SNX29: variants seen among roughly 807,000 people sequenced by gnomAD.
SNX29 encodes the protein sorting nexin 29.
A neutral mutation model predicts 102.1 loss-of-function variants in SNX29; 78 were observed. The ratio of observed to expected loss-of-function variants is 0.76; its 90% CI spans 0.64 to 0.92. The LOEUF (loss-of-function observed/expected upper bound fraction) is 0.92. Among genes scored for constraint, SNX29 ranks in the 40% least tolerant of loss-of-function variants. The pLI, the probability that SNX29 is intolerant of heterozygous loss-of-function variation, is 0.00. For missense variants in SNX29, 1,280 were observed against 1,061.7 expected, an observed-to-expected ratio of 1.21 and a Z score of -2.86; for synonymous variants, 580 against 414.5, an observed-to-expected ratio of 1.40 and a Z score of -4.85.
intron 16 of SNX29, among the ~76,000 whole-genome samples, chr16:12,381,270 C>T (rs865969781): frequency 2.5e-5 from 2 of 80,278 alleles, no homozygotes; most frequent in East Asian, 3.9e-4. Flanking sequence ...CATCCATCCA[C>T]GCATCTGCCC....
intron 7 of SNX29, among the ~76,000 whole-genome samples, chr16:12,048,886 A>G (rs1044162410): frequency 6.6e-6 from 1 of 152,180 alleles, no homozygotes; most frequent in African/African-American, 2.4e-5. Context: ...CGGGAGCCAG[A>G]TGACGTTGAT....
At chr16:12,326,343 C>T (rs2432624) in intron 15 of SNX29, among the ~76,000 whole-genome samples, 53,470 of 105,384 alleles carry the variant, frequency 0.51, 11,487 homozygotes, top group South Asian at 0.76. Context: ...TTTTTTTTTT[C>T]CCTGTCCAGG....
chr16:12,543,737 G>A (rs980314326), intron 20 of SNX29, among the ~76,000 whole-genome samples: 4 of 152,214 alleles, frequency 2.6e-5, no homozygotes, highest in African/African-American at 9.7e-5. Context: ...GCATTGCAGT[G>A]GAGTTGACTG....
rs376144858 is a variant in SNX29, at chr16:12,215,263, G to C, written c.1678+15580G>C. On this transcript the variant is annotated intron_variant, in intron 14 of 20. Coordinates refer to ENST00000566228, the MANE Select transcript of SNX29 (RefSeq NM_032167.5). ...TAATCCCAGCACTTTGAGAGGCTGA[G>C]GTAGGAGGAGGGTTGCTTAAGGCCA... Among the ~76,000 whole-genome samples, 9 of 151,556 alleles carry C rather than the reference G, an allele frequency of 5.9e-5. 1 individual carries two copies. The highest frequency in any genetic ancestry group is 5.9e-4 in the Admixed American group (9 of 15,224).
At chr16:12,201,736 A>T (rs937891343) in intron 14 of SNX29, among the ~76,000 whole-genome samples, 1 of 152,238 alleles carries the variant, frequency 6.6e-6, no homozygotes, top group Admixed American at 6.5e-5. Flanking sequence ...TGTGGACAGC[A>T]CCACCACCTT....
At chr16:12,051,752 T>A in intron 7 of SNX29, 95 bp from the exon 8 acceptor site, 1 of 1,500,484 alleles carries the variant, frequency 6.7e-7, no homozygotes, top group East Asian at 2.3e-5. Context: ...CTCACTCGAA[T>A]AGTATTTTCC....
At chr16:12,396,699 T>G (rs1483200098) in intron 16 of SNX29, among the ~76,000 whole-genome samples, 1 of 152,156 alleles carries the variant, frequency 6.6e-6, no homozygotes, top group Non-Finnish European at 1.5e-5. Context: ...GATGCGTAAC[T>G]GTTAGGAAGG....
At chr16:12,182,220 T>A (rs1397924740) in intron 13 of SNX29, among the ~76,000 whole-genome samples, 1 of 150,840 alleles carries the variant, frequency 6.6e-6, no homozygotes, top group Non-Finnish European at 1.5e-5. Flanking sequence ...TAATGGGGAT[T>A]TTGAGAGATT....
chr16:12,385,170 C>CAAAAAAG (rs894847338), intron 16 of SNX29, among the ~76,000 whole-genome samples: 1 of 151,866 alleles, frequency 6.6e-6, no homozygotes, highest in Non-Finnish European at 1.5e-5. Flanking sequence ...AACTCCATCT[C>CAAAAAAG]AAAAAAGAAA....
chr16:12,559,988 A>AT (rs766345219), intron 20 of SNX29, among the ~76,000 whole-genome samples: 1 of 152,210 alleles, frequency 6.6e-6, no homozygotes, highest in Non-Finnish European at 1.5e-5. Context: ...CGAAAAAAAG[A>AT]TTTTGCAAGC....
chr16:12,396,709 G>A (rs2083736501), intron 16 of SNX29, among the ~76,000 whole-genome samples: 1 of 152,194 alleles, frequency 6.6e-6, no homozygotes, highest in Non-Finnish European at 1.5e-5. Context: ...TGTTAGGAAG[G>A]CACCATCTCT....
chr16:12,031,890 A>G lies in SNX29; in HGVS notation c.247+4446A>G, dbSNP rs144604443. Reference sequence around the variant, plus strand: ...ACCATTTCAGCCATTTGAAGTGTACAATTCAGTGTAAGTGTACTTAATGTA... The same window carrying G: ...ACCATTTCAGCCATTTGAAGTGTACGATTCAGTGTAAGTGTACTTAATGTA... On this transcript the variant is annotated intron_variant, in intron 4 of 20. Coordinates refer to ENST00000566228, the MANE Select transcript of SNX29 (RefSeq NM_032167.5). Among the ~76,000 whole-genome samples, 79 of 152,322 alleles carry G rather than the reference A, an allele frequency of 5.2e-4. 1 individual carries two copies. In the East Asian group the frequency reaches 0.013, roughly 24 times the overall value.
At position 12,512,397 on chromosome 16, in the gene SNX29, T is replaced by G. The variant is rs1158242598; in HGVS notation, c.2179-12305T>G. Among the ~76,000 whole-genome samples, 634 of 82,542 alleles carry G rather than the reference T, an allele frequency of 7.7e-3. 42 individuals are homozygous for G. Among genetic ancestry groups the G allele is most frequent in the African/African-American group, 0.025 (509 of 20,242 alleles). The allele number at this position is 82,542 out of a possible 152,430, so 54.2% of individuals were successfully genotyped here. On this transcript the variant is annotated intron_variant, in intron 19 of 20. Transcript: ENST00000566228. ...ATATATATATATATATATATATATATATATATATATATATATATATAGTTT... is the reference window on the plus strand; with the variant it reads ...ATATATATATATATATATATATATAGATATATATATATATATATATAGTTT...
chr16:12,295,723 C>A (rs1339431236), intron 15 of SNX29, among the ~76,000 whole-genome samples: 2 of 151,994 alleles, frequency 1.3e-5, no homozygotes, highest in African/African-American at 4.8e-5. Flanking sequence ...CTCTGCCCTG[C>A]TTTGAGCAAA....
intron 14 of SNX29, among the ~76,000 whole-genome samples, chr16:12,208,720 A>C (rs1567313443): frequency 6.6e-6 from 1 of 152,100 alleles, no homozygotes; most frequent in Non-Finnish European, 1.5e-5. Flanking sequence ...GCGTGCCTGT[A>C]GTCCCAGCTC....
chr16:12,216,842 T>G (rs1166455402), intron 14 of SNX29, among the ~76,000 whole-genome samples: 2 of 152,176 alleles, frequency 1.3e-5, no homozygotes, highest in African/African-American at 2.4e-5. Context: ...GTGCTGAGTC[T>G]TCAAGTTCAC....
chr16:12,559,914 G>GC (rs2078618877), intron 20 of SNX29, among the ~76,000 whole-genome samples: 1 of 152,148 alleles, frequency 6.6e-6, no homozygotes, highest in Admixed American at 6.5e-5. Context: ...AGGAGGTGGA[G>GC]CTTGCAGTGA....
chr16:12,142,588 G>C (rs2054904592), intron 13 of SNX29, among the ~76,000 whole-genome samples: 1 of 152,156 alleles, frequency 6.6e-6, no homozygotes, highest in Admixed American at 6.6e-5. Flanking sequence ...TTTTGAGACG[G>C]AGTTTTGTTC....
chr16:12,536,347 A>C (rs1191612201), intron 20 of SNX29, among the ~76,000 whole-genome samples: 1 of 152,218 alleles, frequency 6.6e-6, no homozygotes, highest in Admixed American at 6.5e-5. Flanking sequence ...AACAAGCCGT[A>C]CTGTCAGGGT....
Sources: gnomAD v4.1 joint callset for allele counts (sites outside exome capture counted in the v4.1 genomes callset) on GRCh38, gnomAD v4.1.1 for gene constraint, MANE v1.5 for transcripts, NCBI Gene and HGNC (gene_info 2026-07-23, HGNC 2026-07-21) for gene names.